The following HDGFL3 variants were observed in gnomAD, a reference collection of about 807,000 sequenced individuals.
HDGFL3 encodes HDGF like 3, also known as hepatoma-derived growth factor-related protein 3.
In HDGFL3, 6 loss-of-function variants were observed where a neutral mutation model predicts 27.6. The observed-to-expected ratio is 0.22, with a 90% CI of 0.12 to 0.43. HDGFL3 has a LOEUF of 0.43. HDGFL3 is among the 20% of genes least tolerant of loss of function. The pLI is 1.00. For missense variants in HDGFL3, 207 were observed against 250.1 expected, an observed-to-expected ratio of 0.83 and a Z score of 1.16; for synonymous variants, 88 against 88.9, an observed-to-expected ratio of 0.99 and a Z score of 0.05.
At chr15:83,174,229 C>T (rs966523874) in intron 1 of HDGFL3, among the ~76,000 whole-genome samples, 2 of 152,122 alleles carry the variant, frequency 1.3e-5, no homozygotes, top group Non-Finnish European at 1.5e-5. Context: ...TTTCTTCCTA[C>T]TTTAATTATT....
chr15:83,154,873 T>C (rs1281046020), intron 4 of HDGFL3, among the ~76,000 whole-genome samples: 5 of 152,170 alleles, frequency 3.3e-5, no homozygotes, highest in Admixed American at 2.0e-4. Context: ...CTATTCTTTT[T>C]TTTCCCCCCT....
At chr15:83,148,000 T>C (rs1055821767) in intron 5 of HDGFL3, among the ~76,000 whole-genome samples, 2 of 152,008 alleles carry the variant, frequency 1.3e-5, no homozygotes, top group East Asian at 3.9e-4. Context: ...AGAGAAAACA[T>C]GGGTGGTCAA....
intron 1 of HDGFL3, among the ~76,000 whole-genome samples, chr15:83,205,053 A>T (rs1438197759): frequency 1.3e-5 from 2 of 152,246 alleles, no homozygotes; most frequent in Non-Finnish European, 2.9e-5. Context: ...GGCGCCCCAC[A>T]GTATCTAATG....
chr15:83,202,959 T>C (rs1027358844), intron 1 of HDGFL3, among the ~76,000 whole-genome samples: 1 of 152,126 alleles, frequency 6.6e-6, no homozygotes, highest in African/African-American at 2.4e-5. Context: ...AGTTGTTATG[T>C]ATGAGCATTC....
rs191035589 is a variant in HDGFL3 at position 83,137,384 on chromosome 15, A to G, written c.*1886T>C. ...ATAAAGACAAATCTTATTAAATTTG[A>G]AACATTTCATATATACACATAAAAC... On this transcript the variant is annotated 3_prime_UTR_variant, in exon 6 of 6. Transcript: ENST00000299633. The G allele has an allele frequency of 1.6e-4, 24 of 152,264 alleles. No individual in the cohort carries two copies. Among genetic ancestry groups the G allele is most frequent in the African/African-American group, 5.5e-4 (23 of 41,574 alleles). 9.4% of individuals were successfully genotyped at this position (152,264 alleles called of 1,614,324 possible). A position where few individuals can be genotyped will look rare whatever the true frequency, so the allele number is the denominator to read the frequency against.
chr15:83,179,529 G>C (rs1366692462), intron 1 of HDGFL3, among the ~76,000 whole-genome samples: 1 of 152,184 alleles, frequency 6.6e-6, no homozygotes, highest in East Asian at 1.9e-4. Flanking sequence ...GAAGTCCTAA[G>C]AACCAGAGGG....
At chr15:83,154,536 G>A (rs1283913913) in intron 4 of HDGFL3, among the ~76,000 whole-genome samples, 1 of 152,056 alleles carries the variant, frequency 6.6e-6, no homozygotes, top group Non-Finnish European at 1.5e-5. Context: ...TCTGGGGATG[G>A]GGTTCAACAA....
intron 3 of HDGFL3, 72 bp downstream of exon 3, chr15:83,157,831 T>A: frequency 7.2e-7 from 1 of 1,381,774 alleles, no homozygotes; most frequent in Non-Finnish European, 1.0e-6. Flanking sequence ...AAAGGACATA[T>A]AAGAAAGATT....
rs368751514 is a variant in HDGFL3, at chr15:83,158,049, G to C, written c.162-8C>G. 5.0e-6 allele frequency: 8 copies of C among 1,589,080 alleles called. No homozygotes were observed. The East Asian group carries it at 1.8e-4, about 36-fold the overall frequency. ...TTGGGACCTAGAAATGCACTGCAGAGACATATTAGAAATAGAATTGACACA... is the reference window on the plus strand; with the variant it reads ...TTGGGACCTAGAAATGCACTGCAGACACATATTAGAAATAGAATTGACACA... On this transcript the variant is annotated splice_polypyrimidine_tract_variant and splice_region_variant and intron_variant, in intron 2 of 5. Transcript: ENST00000299633.
intron 5 of HDGFL3, chr15:83,144,571 C>T: frequency 4.4e-6 from 2 of 455,676 alleles, no homozygotes; most frequent in South Asian, 3.1e-5. Flanking sequence ...TGGGGCAAGG[C>T]ATCAGAGGAG....
chr15:83,191,501 A>T (rs2037510292), intron 1 of HDGFL3, among the ~76,000 whole-genome samples: 1 of 152,212 alleles, frequency 6.6e-6, no homozygotes, highest in Non-Finnish European at 1.5e-5. Context: ...ATATAATCCA[A>T]ATTCCAACAG....
chr15:83,168,733 T>A (rs2037203580), intron 1 of HDGFL3, among the ~76,000 whole-genome samples: 1 of 152,158 alleles, frequency 6.6e-6, no homozygotes, highest in African/African-American at 2.4e-5. Context: ...CTATTGAAAC[T>A]ATCACAGAAA....
At chr15:83,168,871 C>G (rs1296262643) in intron 1 of HDGFL3, among the ~76,000 whole-genome samples, 1 of 152,104 alleles carries the variant, frequency 6.6e-6, no homozygotes, top group Non-Finnish European at 1.5e-5. Context: ...ATGCAAAATC[C>G]TCAACAAAAT....
chr15:83,127,297 T>G (rs1313622240), downstream of HDGFL3: 1 of 1,486,472 alleles, frequency 6.7e-7, no homozygotes. Flanking sequence ...TTTTTGTACT[T>G]TTTAGTCAGG....
intron 3 of HDGFL3, chr15:83,119,881 CA>C: frequency 2.9e-6 from 2 of 690,152 alleles, no homozygotes; most frequent in Non-Finnish European, 2.3e-6. Context: ...TGCTCCCTAG[CA>C]TGGTGACAGC....
At chr15:83,127,672 G>GTGCCC (rs2035888761), downstream of HDGFL3, 1 of 519,198 alleles carries the variant, frequency 1.9e-6, no homozygotes, top group South Asian at 2.3e-5. Context: ...TATGGTAGAT[G>GTGCCC]TGCCATCCAG....
intron 5 of HDGFL3, among the ~76,000 whole-genome samples, chr15:83,149,462 A>C (rs967162697): frequency 4.6e-5 from 7 of 152,208 alleles, no homozygotes; most frequent in Admixed American, 4.6e-4. Flanking sequence ...TGAAGGAAGG[A>C]GCTCTAGAAA....
chr15:83,187,662 G>A (rs962120584), intron 1 of HDGFL3, among the ~76,000 whole-genome samples: 20 of 152,220 alleles, frequency 1.3e-4, no homozygotes, highest in African/African-American at 4.8e-4. Context: ...GCTGAGGCGG[G>A]CGGATCACCT....
downstream of HDGFL3, among the ~76,000 whole-genome samples, chr15:83,123,303 C>G (rs759195054): frequency 2.0e-5 from 3 of 152,154 alleles, no homozygotes; most frequent in Non-Finnish European, 4.4e-5. Context: ...GTAGTCTACA[C>G]AGCCATACAA....
Sources: allele counts gnomAD v4.1 joint callset (sites outside exome capture counted in the v4.1 genomes callset), GRCh38; gene constraint gnomAD v4.1.1; transcripts MANE v1.5; gene names NCBI Gene and HGNC (gene_info 2026-07-23, HGNC 2026-07-21).